Variants in TP53BP1 observed in about 807,000 individuals in gnomAD.
TP53BP1 encodes TP53-binding protein 1.
Under a neutral mutation model 200.8 loss-of-function variants are expected in TP53BP1, and 61 were observed. The ratio of observed to expected loss-of-function variants is 0.30; its 90% CI spans 0.25 to 0.38. TP53BP1 has a LOEUF of 0.38. Among genes scored for constraint, TP53BP1 ranks in the 10% least tolerant of loss-of-function variants. The pLI, the probability that TP53BP1 is intolerant of heterozygous loss-of-function variation, is 1.00. For missense variants in TP53BP1, 2,144 were observed against 2,371.9 expected, an observed-to-expected ratio of 0.90 and a Z score of 2.00; for synonymous variants, 822 against 844.3, an observed-to-expected ratio of 0.97 and a Z score of 0.46.
chr15:43,490,451 T>C (rs2079105903), intron 4 of TP53BP1, among the ~76,000 whole-genome samples: 2 of 151,628 alleles, frequency 1.3e-5, no homozygotes, highest in African/African-American at 4.9e-5. Flanking sequence ...CTCAAACTCC[T>C]GGGCTCAAGT....
In TP53BP1 at chr15:43,457,142, G is replaced by A. The variant is rs201233064; in HGVS notation, c.1466C>T (p.Ser489Phe). 3.7e-6 allele frequency: 6 copies of A among 1,614,008 alleles called. No homozygotes were observed. The highest frequency in any genetic ancestry group is 5.1e-6 in the Non-Finnish European group (6 of 1,179,912). ...GKKDGDMHSS[S>F]LTVECSKTSE... ...AGTTTTAGAACACTCAACTGTCAAA[G>A]ATGAACTATGCATATCTCCATCTTT... Residue 489 changes from serine to phenylalanine, a missense_variant, in exon 12 of 28, where the codon TCT (serine) becomes TTT (phenylalanine). By Grantham distance (155) the Ser-to-Phe change is radical. Coordinates refer to ENST00000382044, the MANE Select transcript of TP53BP1 (RefSeq NM_001141980.3).
intron 4 of TP53BP1, among the ~76,000 whole-genome samples, chr15:43,486,171 G>A (rs879877316): frequency 3.3e-5 from 5 of 152,060 alleles, no homozygotes; most frequent in Admixed American, 2.6e-4. Flanking sequence ...GAGGTCGGGA[G>A]TTCAAGACCA....
At chr15:43,469,756 A>T in intron 11 of TP53BP1, 102 bp downstream of exon 11, 1 of 982,508 alleles carries the variant, frequency 1.0e-6, no homozygotes, top group South Asian at 1.6e-5. Context: ...TCACAAAATT[A>T]TACATTTAAA....
intron 4 of TP53BP1, among the ~76,000 whole-genome samples, chr15:43,482,575 C>T (rs1445290048): frequency 2.6e-5 from 4 of 152,028 alleles, no homozygotes; most frequent in Non-Finnish European, 5.9e-5. Context: ...GAGACCATCC[C>T]GGCGAACAAG....
At chr15:43,505,343 C>T (rs961973063) in intron 1 of TP53BP1, among the ~76,000 whole-genome samples, 2 of 152,148 alleles carry the variant, frequency 1.3e-5, no homozygotes, top group African/African-American at 2.4e-5. Flanking sequence ...ATCTCTACCA[C>T]CACAAAGAAA....
In TP53BP1 at chr15:43,405,259, T is replaced by C. The variant is rs1595507810; in HGVS notation, c.*2124A>G. On this transcript the variant is annotated 3_prime_UTR_variant, in exon 28 of 28. Coordinates refer to ENST00000382044, the MANE Select transcript of TP53BP1 (RefSeq NM_001141980.3). ...TGAAATAACAGCCACGTTCCCAAGG[T>C]TGTAACAGAAGATTCAAAACATCCC... The C allele has an allele frequency of 6.2e-7, 1 of 1,609,288 alleles. No homozygotes were observed. Among genetic ancestry groups the C allele is most frequent in the Non-Finnish European group, 8.5e-7 (1 of 1,175,692 alleles).
Position 43,491,752 on chromosome 15 carries a change from G to T in TP53BP1, c.288C>A (p.Asp96Glu), listed in dbSNP as rs2079126354. Reference sequence around the variant, plus strand: ...TGTCCAAGTTAGAAGAATCCACAGGGTCTGAAAAAAATAACTGGATATTAG... The same window carrying T: ...TGTCCAAGTTAGAAGAATCCACAGGTTCTGAAAAAAATAACTGGATATTAG... Reference protein sequence around the residue: ...NEHLKENKVADPVDSSNLDTC... With the variant: ...NEHLKENKVAEPVDSSNLDTC... Residue 96 changes from aspartate (D) to glutamate (E), a missense_variant and splice_region_variant, in exon 4 of 28, where the codon GAC becomes GAA. Transcript: ENST00000382044. 6.2e-7 allele frequency: 1 copy of T among 1,613,120 alleles called. No homozygotes were observed. The highest frequency in any genetic ancestry group is 8.5e-7 in the Non-Finnish European group (1 of 1,179,234).
chr15:43,461,481 G>T lies in TP53BP1; in HGVS notation c.1390-4263C>A, dbSNP rs112220313. Among the ~76,000 whole-genome samples the T allele has an allele frequency of 6.4e-3, 974 of 152,164 alleles. 9 individuals are homozygous for T. The highest frequency in any genetic ancestry group is 0.022 in the African/African-American group (925 of 41,504). On this transcript the variant is annotated intron_variant, in intron 11 of 27. Coordinates refer to ENST00000382044, the MANE Select transcript of TP53BP1 (RefSeq NM_001141980.3). ...AATCTGCCCACCTCGAACTCCCAGA[G>T]TGCTGGGATTACGGGCATGAGCTAC...
Position 43,403,665 on chromosome 15 carries a change from A to C in TP53BP1, c.*3718T>G. On this transcript the variant is annotated 3_prime_UTR_variant, in exon 28 of 28. Coordinates refer to ENST00000382044, the MANE Select transcript of TP53BP1 (RefSeq NM_001141980.3). ...TACCTTCCTTCCTTTCCTAATGCCA[A>C]CTCTGTTTCCCGGGTAGGTGTTTCA... 1 of 1,581,768 alleles carries C rather than the reference A, an allele frequency of 6.3e-7. No homozygotes were observed. The highest frequency in any genetic ancestry group is 1.3e-5 in the African/African-American group (1 of 74,228).
intron 13 of TP53BP1, chr15:43,446,794 G>T: frequency 6.6e-7 from 1 of 1,505,838 alleles, no homozygotes. Context: ...ACAGGATTCA[G>T]TTCCACTTCT....
At chr15:43,453,600 C>T (rs1263032611) in intron 12 of TP53BP1, among the ~76,000 whole-genome samples, 3 of 147,984 alleles carry the variant, frequency 2.0e-5, no homozygotes, top group Non-Finnish European at 3.0e-5. Flanking sequence ...TTTTTTGAGG[C>T]GGAGTCTCAT....
At chr15:43,507,727 T>C (rs932799123) in intron 1 of TP53BP1, among the ~76,000 whole-genome samples, 1 of 152,078 alleles carries the variant, frequency 6.6e-6, no homozygotes, top group African/African-American at 2.4e-5. Context: ...TTTTTCTTTT[T>C]TTTTTTTCTG....
chr15:43,421,029 T>G lies in TP53BP1; in HGVS notation c.4246A>C (p.Thr1416Pro). 6.2e-7 allele frequency: 1 copy of G among 1,612,640 alleles called. No individual in the cohort carries two copies. ...RGRPPSRTTGTRETAVPGPLG... is the reference protein window; with the variant it reads ...RGRPPSRTTGPRETAVPGPLG... ...TATCTTACACTACCCAGGTACCTGG[T>G]TCCAGTGGTCCGAGAAGGTGGGCGG... The change falls in exon 20 of 28, where the codon ACC (threonine) becomes CCC (proline). Residue 1416 changes from threonine (T) to proline (P), a missense_variant. This residue lies in a region of TP53BP1 where 1,700 missense variants were observed against 1,710.3 expected (regional missense o/e 0.99). Coordinates refer to ENST00000382044, the MANE Select transcript of TP53BP1 (RefSeq NM_001141980.3).
chr15:43,503,938 T>A (rs1423927053), intron 1 of TP53BP1, among the ~76,000 whole-genome samples: 1 of 152,154 alleles, frequency 6.6e-6, no homozygotes, highest in Non-Finnish European at 1.5e-5. Context: ...TACACCTATA[T>A]ACATAGCATT....
At chr15:43,433,796 C>T (rs1036769725) in intron 16 of TP53BP1, among the ~76,000 whole-genome samples, 2 of 152,058 alleles carry the variant, frequency 1.3e-5, no homozygotes, top group Admixed American at 6.5e-5. Flanking sequence ...ACATGAAGGA[C>T]GATAAGGGGC....
intron 14 of TP53BP1, among the ~76,000 whole-genome samples, chr15:43,442,286 C>T (rs1007467020): frequency 6.6e-6 from 1 of 151,878 alleles, no homozygotes; most frequent in South Asian, 2.1e-4. Flanking sequence ...CGGGGTTTCA[C>T]CGTGTTAGCC....
At position 43,407,547 on chromosome 15, in the gene TP53BP1, C is replaced by T. The variant is rs957904490; in HGVS notation, c.5770G>A (p.Val1924Met). 6.2e-7 allele frequency: 1 copy of T among 1,613,800 alleles called. No homozygotes were observed. Among genetic ancestry groups the T allele is most frequent in the Non-Finnish European group, 8.5e-7 (1 of 1,179,888 alleles). Reference sequence around the variant, plus strand: ...GGGCATGAGGGGTCCGTCACCACCACATCAAATACCCCTAAAGCAATATCT... The same window carrying T: ...GGGCATGAGGGGTCCGTCACCACCATATCAAATACCCCTAAAGCAATATCT... ...NKDIALGVFDVVVTDPSCPAS... is the reference protein window; with the variant it reads ...NKDIALGVFDMVVTDPSCPAS... The change falls in exon 28 of 28, where the codon GTG becomes ATG. Residue 1924 changes from valine (V) to methionine (M), a missense_variant. Val to Met is a conservative substitution (Grantham distance 21). Transcript: ENST00000382044.
Position 43,423,749 on chromosome 15 carries a change from T to C in TP53BP1, c.3829-1623A>G, listed in dbSNP as rs2045461573. Among the ~76,000 whole-genome samples the C allele has an allele frequency of 2.0e-5, 3 of 152,214 alleles. No individual in the cohort carries two copies. The South Asian group carries it at 6.2e-4, about 32-fold the overall frequency. Reference sequence around the variant, plus strand: ...ATACTATAAAATGATGAAATAATTATCTCTGATCCCTCCCTTCTTGAAAAT... The same window carrying C: ...ATACTATAAAATGATGAAATAATTACCTCTGATCCCTCCCTTCTTGAAAAT... On this transcript the variant is annotated intron_variant, in intron 18 of 27. Transcript: ENST00000382044.
chr15:43,483,781 G>A (rs1238400569), intron 4 of TP53BP1, among the ~76,000 whole-genome samples: 3 of 152,190 alleles, frequency 2.0e-5, no homozygotes, highest in Non-Finnish European at 4.4e-5. Context: ...TAGAAAAGAA[G>A]CAATGAAGGA....
Sources: allele counts gnomAD v4.1 joint callset (sites outside exome capture counted in the v4.1 genomes callset), GRCh38; gene constraint gnomAD v4.1.1; regional missense constraint gnomAD v4.1.1; transcripts MANE v1.5; gene names NCBI Gene and HGNC (gene_info 2026-07-23, HGNC 2026-07-21).